Variants in XPO6 observed in about 807,000 individuals in gnomAD.
XPO6 encodes the protein exportin-6.
XPO6 carries 3 observed loss-of-function variants against 130.0 expected under a neutral mutation model. The ratio of observed to expected loss-of-function variants is 0.02; its 90% CI spans 0.01 to 0.06. The LOEUF is 0.06. Ranked by LOEUF, XPO6 falls within the 10% of genes least tolerant of loss-of-function variation. The probability of loss-of-function intolerance (pLI) is 1.00; values close to 1 mark genes in which losing one functional copy is unlikely to be tolerated. For synonymous variants in XPO6, 524 were observed against 548.9 expected (o/e 0.95, Z 0.63); for missense variants, 970 against 1,393.0 (o/e 0.70, Z 4.83).
At chr16:28,130,820 T>A (rs78935318) in intron 12 of XPO6, among the ~76,000 whole-genome samples, 1 of 152,188 alleles carries the variant, frequency 6.6e-6, no homozygotes, top group East Asian at 1.9e-4. Flanking sequence ...AAATAGAGTT[T>A]CAGATTCACT....
chr16:28,133,972 C>T, intron 10 of XPO6, 39 bp from the exon 11 acceptor site: 1 of 1,604,508 alleles, frequency 6.2e-7, no homozygotes, highest in South Asian at 1.1e-5. Context: ...CTCCCAGAAT[C>T]CTCTCATCTT....
chr16:28,190,821 GA>G (rs2043774565), intron 1 of XPO6, among the ~76,000 whole-genome samples: 1 of 151,006 alleles, frequency 6.6e-6, no homozygotes, highest in East Asian at 1.9e-4. Context: ...AAATTGTTCA[GA>G]AAAAAATACA....
chr16:28,172,087 C>A (rs2043458369), intron 4 of XPO6, among the ~76,000 whole-genome samples: 1 of 152,132 alleles, frequency 6.6e-6, no homozygotes, highest in Non-Finnish European at 1.5e-5. Flanking sequence ...AATCTATCTG[C>A]AAGCTCTCCT....
chr16:28,172,788 C>CA (rs558469876), intron 4 of XPO6, among the ~76,000 whole-genome samples: 181 of 148,816 alleles, frequency 1.2e-3, no homozygotes, highest in Middle Eastern at 6.9e-3. Flanking sequence ...CAACATGAGC[C>CA]AAAAAAAAAC....
Position 28,152,798 on chromosome 16 carries a change from A to C in XPO6, c.1098-13T>G. The C allele has an allele frequency of 6.2e-7, 1 of 1,604,338 alleles. No homozygotes were observed. The highest frequency in any genetic ancestry group is 8.5e-7 in the Non-Finnish European group (1 of 1,177,432). On this transcript the variant is annotated splice_polypyrimidine_tract_variant and intron_variant, in intron 7 of 23. Transcript: ENST00000304658. ...CTTCTCGATATAGCTAAATGAGACA[A>C]GACAAAAGGTGACAATAAGAAACCC...
intron 17 of XPO6, among the ~76,000 whole-genome samples, chr16:28,108,568 G>A (rs181138522): frequency 4.4e-4 from 67 of 152,306 alleles, no homozygotes; most frequent in Non-Finnish European, 8.1e-4. Context: ...TTCCCAGCGC[G>A]AGTGGAGTCA....
chr16:28,146,932 G>A (rs2141802710), intron 8 of XPO6, among the ~76,000 whole-genome samples: 1 of 152,144 alleles, frequency 6.6e-6, no homozygotes, highest in South Asian at 2.1e-4. Context: ...TTCATGCAAA[G>A]TCCAGGCAAC....
chr16:28,146,491 T>C (rs2042984858), intron 8 of XPO6, among the ~76,000 whole-genome samples: 1 of 152,192 alleles, frequency 6.6e-6, no homozygotes, highest in African/African-American at 2.4e-5. Context: ...CTGAGACTGG[T>C]AGAGAGGGCT....
intron 12 of XPO6, among the ~76,000 whole-genome samples, chr16:28,131,198 C>T (rs139133918): frequency 1.2e-4 from 18 of 152,290 alleles, no homozygotes; most frequent in African/African-American, 2.6e-4. Flanking sequence ...GGCCTACATT[C>T]GGGGCATGCC....
At chr16:28,192,091 C>T (rs1567647246) in intron 1 of XPO6, among the ~76,000 whole-genome samples, 2 of 151,960 alleles carry the variant, frequency 1.3e-5, no homozygotes, top group Non-Finnish European at 1.5e-5. Flanking sequence ...GAAACCCCAT[C>T]TCTAATAAAA....
At chr16:28,142,558 T>TTTGTTG (rs1055610379) in intron 9 of XPO6, among the ~76,000 whole-genome samples, 1 of 151,920 alleles carries the variant, frequency 6.6e-6, no homozygotes, top group African/African-American at 2.4e-5. Context: ...TGGAGGGGTT[T>TTTGTTG]TTGTTGTTGT....
rs9928335 is a variant in XPO6 at position 28,135,209 on chromosome 16, C to T, written c.1443+7G>A. 346 of 1,611,788 alleles carry T rather than the reference C, an allele frequency of 2.1e-4. 3 individuals are homozygous for T. The African/African-American group carries it at 3.8e-3, about 18-fold the overall frequency. On this transcript the variant is annotated splice_region_variant and intron_variant, in intron 10 of 23. Coordinates refer to ENST00000304658, the MANE Select transcript of XPO6 (RefSeq NM_015171.4). ...CGACAAAAAATCAATCAGGGCATGC[C>T]GCTTACATCGTCATCCAGAGTCTCA...
At chr16:28,152,129 A>G (rs1168855489) in intron 8 of XPO6, among the ~76,000 whole-genome samples, 1 of 152,188 alleles carries the variant, frequency 6.6e-6, no homozygotes, top group Non-Finnish European at 1.5e-5. Flanking sequence ...CTAGAATGTA[A>G]GTAAACTCAA....
intron 17 of XPO6, among the ~76,000 whole-genome samples, chr16:28,110,211 C>G (rs1211808190): frequency 6.6e-6 from 1 of 152,224 alleles, no homozygotes; most frequent in Non-Finnish European, 1.5e-5. Context: ...TGCCTGCACA[C>G]AGTCAGCATA....
In XPO6 at chr16:28,098,339, C is replaced by T. The variant is rs899070482; in HGVS notation, c.*199G>A. 2.6e-4 allele frequency: 141 copies of T among 546,966 alleles called. No individual in the cohort carries two copies. Among genetic ancestry groups the T allele is most frequent in the African/African-American group, 2.5e-3 (130 of 52,524 alleles). 33.9% of individuals were successfully genotyped at this position (546,966 alleles called of 1,614,324 possible). A position where few individuals can be genotyped will look rare whatever the true frequency, so the allele number is the denominator to read the frequency against. On this transcript the variant is annotated 3_prime_UTR_variant, in exon 24 of 24. Coordinates refer to ENST00000304658, the MANE Select transcript of XPO6 (RefSeq NM_015171.4). ...TGCTCCAACGCCCTGGGAGCACCGT[C>T]CAGTGCTCAGGTGGACCCAGAAGCC...
chr16:28,107,422 G>A, intron 18 of XPO6, 100 bp downstream of exon 18: 4 of 1,384,344 alleles, frequency 2.9e-6, no homozygotes, highest in Non-Finnish European at 4.0e-6. Flanking sequence ...AACAAGTCAA[G>A]GCCTGTACTG....
Position 28,136,480 on chromosome 16 carries a change from A to G in XPO6, c.1335-1156T>C, listed in dbSNP as rs139113073. ...GATGATCCACCTGCCTCGACCTCCC[A>G]AAGTGTCAGGATTACAGGCGTGATC... On this transcript the variant is annotated intron_variant, in intron 9 of 23. Transcript: ENST00000304658. 9.8e-3 allele frequency among the ~76,000 whole-genome samples: 1,496 copies of G among 152,276 alleles called. 30 individuals are homozygous for G. The highest frequency in any genetic ancestry group is 0.034 in the African/African-American group (1,424 of 41,550).
chr16:28,101,228 G>A lies in XPO6; in HGVS notation c.3276+230C>T, dbSNP rs1429721432. 2 of 602,050 alleles carry A rather than the reference G, an allele frequency of 3.3e-6. No homozygotes were observed. The highest frequency in any genetic ancestry group is 3.7e-5 in the African/African-American group (2 of 54,412). The allele number at this position is 602,050 out of a possible 1,614,324, so 37.3% of individuals were successfully genotyped here. ...AGAGCCAGGAACTCGGGACCTCCATGGCTGAGACTAAGAACATACGTGCTA... is the reference window on the plus strand; with the variant it reads ...AGAGCCAGGAACTCGGGACCTCCATAGCTGAGACTAAGAACATACGTGCTA... On this transcript the variant is annotated intron_variant, in intron 23 of 23. Coordinates refer to ENST00000304658, the MANE Select transcript of XPO6 (RefSeq NM_015171.4). The surrounding 1 kb of genome is among the most constrained non-coding windows in gnomAD (Gnocchi z 5.4).
chr16:28,141,568 T>C (rs1300097594), intron 9 of XPO6, among the ~76,000 whole-genome samples: 2 of 151,998 alleles, frequency 1.3e-5, no homozygotes, highest in Non-Finnish European at 2.9e-5. Context: ...CACCTCAAAA[T>C]ACAGATCAGG....
Sources: allele counts gnomAD v4.1 joint callset (sites outside exome capture counted in the v4.1 genomes callset), GRCh38; gene constraint gnomAD v4.1.1; non-coding constraint Gnocchi (gnomAD v3.1); transcripts MANE v1.5; gene names NCBI Gene and HGNC (gene_info 2026-07-23, HGNC 2026-07-21).